Variants in BRI3BP observed in about 807,000 individuals in gnomAD.
The protein encoded by BRI3BP is BRI3 binding protein, also known as BRI3-binding protein.
A neutral mutation model predicts 15.8 loss-of-function variants in BRI3BP; 7 were observed. The observed-to-expected ratio is 0.44, with a 90% confidence interval of 0.25 to 0.83. The LOEUF is 0.83. BRI3BP is among the 40% of genes least tolerant of loss of function. The pLI is 0.20. For missense variants in BRI3BP, 320 were observed against 339.3 expected (o/e 0.94, Z 0.45); for synonymous variants, 192 against 163.5 (o/e 1.17, Z -1.33).
downstream of BRI3BP, among the ~76,000 whole-genome samples, chr12:125,034,268 A>C (rs140221868): frequency 1.9e-3 from 288 of 151,404 alleles, 2 homozygotes; most frequent in African/African-American, 6.8e-3. Flanking sequence ...CTGTTCTCGA[A>C]CTACCGACCT....
At chr12:125,047,459 C>G in the BRI3BP span, among the ~76,000 whole-genome samples, 3 of 151,770 alleles carry the variant, frequency 2.0e-5, no homozygotes, top group East Asian at 5.9e-4. Flanking sequence ...AGGCGTGAGC[C>G]ACCGCACCCG....
chr12:124,995,806 C>G (rs976000688), intron 1 of BRI3BP, among the ~76,000 whole-genome samples: 1 of 152,200 alleles, frequency 6.6e-6, no homozygotes, highest in African/African-American at 2.4e-5. Context: ...TGAACCTAGG[C>G]AGAGTGGACA....
chr12:124,999,841 C>T (rs375590440), intron 1 of BRI3BP, among the ~76,000 whole-genome samples: 1 of 1,866 alleles, frequency 5.4e-4, no homozygotes, highest in South Asian at 0.013. Context: ...AGGATGGTCT[C>T]GATTTCCTGA....
intron 1 of BRI3BP, 113 bp downstream of exon 1, chr12:124,994,116 C>A (rs1265032652): frequency 6.9e-6 from 5 of 726,848 alleles, no homozygotes; most frequent in Non-Finnish European, 8.9e-6. Context: ...GGCCAGCGCG[C>A]GGGAAGAGGG....
chr12:125,034,555 T>A (rs753347796), downstream of BRI3BP, among the ~76,000 whole-genome samples: 9 of 152,096 alleles, frequency 5.9e-5, no homozygotes, highest in African/African-American at 1.9e-4. Context: ...CAGGCAACCT[T>A]TGAGCTGCTC....
At chr12:125,023,489 T>C (rs975002307) in intron 2 of BRI3BP, among the ~76,000 whole-genome samples, 11 of 152,222 alleles carry the variant, frequency 7.2e-5, no homozygotes, top group Non-Finnish European at 1.5e-4. Context: ...CATTTGTTAC[T>C]ATGGAAATTG....
chr12:124,994,323 G>T (rs1436801821), intron 1 of BRI3BP, among the ~76,000 whole-genome samples: 2 of 152,042 alleles, frequency 1.3e-5, no homozygotes, highest in African/African-American at 2.4e-5. Context: ...TTCATTCACC[G>T]CGTTTGAATG....
chr12:124,998,158 G>C (rs1955056205), intron 1 of BRI3BP, among the ~76,000 whole-genome samples: 1 of 151,946 alleles, frequency 6.6e-6, no homozygotes, highest in Non-Finnish European at 1.5e-5. Flanking sequence ...TGGGCGTGGT[G>C]GTGCACGACT....
rs1444125037 is a variant in BRI3BP, at chr12:125,028,809, C to T, written c.*3379C>T. 1 of 152,120 alleles carries T rather than the reference C, an allele frequency of 6.6e-6. No individual in the cohort carries two copies. Among genetic ancestry groups the T allele is most frequent in the Non-Finnish European group, 1.5e-5 (1 of 68,028 alleles). 9.4% of individuals were successfully genotyped at this position (152,120 alleles called of 1,614,324 possible). A position where few individuals can be genotyped will look rare whatever the true frequency, so the allele number is the denominator to read the frequency against. ...ACCTTGTAGGGTGTTGGGATTGGGC[C>T]TCCCCTCGCCACCCGCCACATGTCT... On this transcript the variant is annotated 3_prime_UTR_variant, in exon 3 of 3. Transcript: ENST00000341446.
intron 2 of BRI3BP, among the ~76,000 whole-genome samples, chr12:125,018,782 C>G (rs140431792): frequency 6.6e-6 from 1 of 151,480 alleles, no homozygotes; most frequent in Admixed American, 6.6e-5. Context: ...TGAGTTCAAG[C>G]GATTCTAGTA....
chr12:125,022,159 G>A (rs1955304746), intron 2 of BRI3BP, among the ~76,000 whole-genome samples: 1 of 151,670 alleles, frequency 6.6e-6, no homozygotes, highest in Non-Finnish European at 1.5e-5. Context: ...TGGGGGTGGG[G>A]CCCAGCAACC....
At chr12:125,004,266 CA>C (rs1437090379) in intron 1 of BRI3BP, among the ~76,000 whole-genome samples, 1 of 152,142 alleles carries the variant, frequency 6.6e-6, no homozygotes, top group Admixed American at 6.5e-5. Context: ...TTCAACCTCC[CA>C]GGTTCGATGA....
rs1955014165 is a variant in BRI3BP, at chr12:124,993,684, G to A, written c.-107G>A. 1.7e-6 allele frequency: 1 copy of A among 603,118 alleles called. No individual in the cohort carries two copies. The allele number at this position is 603,118 out of a possible 1,614,324, so 37.4% of individuals were successfully genotyped here. ...GGCGGCGGCGGCTGTGGGTAAAGGC[G>A]CGGCGCGCGGCCCCCGAGCGCGCCA... On this transcript the variant is annotated 5_prime_UTR_variant, in exon 1 of 3. Transcript: ENST00000341446.
At chr12:125,024,072 A>T (rs142492168) in intron 2 of BRI3BP, among the ~76,000 whole-genome samples, 297 of 152,274 alleles carry the variant, frequency 2.0e-3, no homozygotes, top group African/African-American at 6.3e-3. Context: ...AAAACCAAAA[A>T]ACCTGAGACT....
the BRI3BP span, among the ~76,000 whole-genome samples, chr12:125,044,261 T>A: frequency 6.6e-6 from 1 of 152,064 alleles, no homozygotes; most frequent in Non-Finnish European, 1.5e-5. Context: ...CAAGCGATTC[T>A]CCTGCCTCAG....
At chr12:125,036,352 C>T in the BRI3BP span, among the ~76,000 whole-genome samples, 24 of 151,236 alleles carry the variant, frequency 1.6e-4, no homozygotes, top group East Asian at 2.7e-3. Context: ...CATGAGCCAC[C>T]GCACCCGGCC....
chr12:125,043,766 G>C, the BRI3BP span, among the ~76,000 whole-genome samples: 1 of 152,186 alleles, frequency 6.6e-6, no homozygotes, highest in African/African-American at 2.4e-5. Context: ...TGAGGCAGGA[G>C]AATTGCTGGA....
chr12:125,013,734 T>C (rs1955216308), intron 2 of BRI3BP, among the ~76,000 whole-genome samples: 1 of 151,988 alleles, frequency 6.6e-6, no homozygotes, highest in Non-Finnish European at 1.5e-5. Context: ...TGGCCCCTGG[T>C]TTTGTGGGCT....
At chr12:125,007,737 C>T (rs979067173) in intron 1 of BRI3BP, among the ~76,000 whole-genome samples, 3 of 151,682 alleles carry the variant, frequency 2.0e-5, no homozygotes, top group African/African-American at 4.8e-5. Flanking sequence ...AAAAAAAGAG[C>T]GTACATTCTG....
Sources: allele counts gnomAD v4.1 joint callset (sites outside exome capture counted in the v4.1 genomes callset), GRCh38; gene constraint gnomAD v4.1.1; transcripts MANE v1.5; gene names NCBI Gene and HGNC (gene_info 2026-07-23, HGNC 2026-07-21).